The following SLCO4A1 variants were observed in gnomAD, a reference collection of about 807,000 sequenced individuals.
SLCO4A1 encodes solute carrier organic anion transporter family member 4A1.
A neutral mutation model predicts 64.6 loss-of-function variants in SLCO4A1; 51 were observed. That is an observed-to-expected ratio of 0.79 (90% CI 0.63 to 1.00). The LOEUF (loss-of-function observed/expected upper bound fraction) is 1.00, where lower values mean the gene tolerates loss of function less well. SLCO4A1 is among the 50% of genes least tolerant of loss of function. The pLI is 0.00. For synonymous variants in SLCO4A1, 471 were observed against 444.9 expected (o/e 1.06, Z -0.74); for missense variants, 919 against 980.5 (o/e 0.94, Z 0.84).
At chr20:62,665,221 C>G in intron 6 of SLCO4A1, 133 bp downstream of exon 6, 1 of 1,055,348 alleles carries the variant, frequency 9.5e-7, no homozygotes, top group East Asian at 2.5e-5. Flanking sequence ...GCTGCCAGAG[C>G]AGGTGTGGAG....
chr20:62,652,153 T>C (rs963200856), intron 1 of SLCO4A1: 3 of 151,632 alleles, frequency 2.0e-5, no homozygotes, highest in African/African-American at 7.3e-5. Flanking sequence ...TTGGCCCTGT[T>C]GAGGCTCCTT....
chr20:62,677,535 G>T lies in SLCO4A1; in HGVS notation n.212-7906G>T, dbSNP rs374293996. ...CCTTAGGGTGGCAGGAGGCAGAAAG[G>T]GGGCTTGAGACCTACACTCCAACCC... On this transcript the variant is annotated intron_variant and non_coding_transcript_variant, in intron 2 of 2. Transcript: ENST00000466818. Among the ~76,000 whole-genome samples the T allele has an allele frequency of 9.9e-5, 15 of 152,190 alleles. No individual in the cohort carries two copies. The East Asian group carries it at 1.2e-3, about 12-fold the overall frequency.
chr20:62,677,296 T>C (rs1344493996), intron 2 of SLCO4A1, among the ~76,000 whole-genome samples: 1 of 152,264 alleles, frequency 6.6e-6, no homozygotes, highest in African/African-American at 2.4e-5. Context: ...ATGTGACTTA[T>C]ATCTCAGTAA....
At chr20:62,684,366 ACCTTT>A (rs1987975266) in intron 2 of SLCO4A1, among the ~76,000 whole-genome samples, 1 of 152,158 alleles carries the variant, frequency 6.6e-6, no homozygotes, top group Non-Finnish European at 1.5e-5. Flanking sequence ...AACCATCAGC[ACCTTT>A]GCCTGACAGG....
At chr20:62,670,000 TCCAGAAG>T (rs1987000354) in intron 11 of SLCO4A1, 1 of 152,226 alleles carries the variant, frequency 6.6e-6, no homozygotes, top group African/African-American at 2.4e-5. Context: ...AATAGGAAAT[TCCAGAAG>T]CAAACAGTTC....
chr20:62,668,791 C>T, intron 10 of SLCO4A1, 139 bp from the exon 11 acceptor site: 1 of 897,912 alleles, frequency 1.1e-6, no homozygotes. Context: ...AACGTTTAAG[C>T]CCTCTTTGCA....
chr20:62,678,807 A>G (rs1987703659), intron 2 of SLCO4A1, among the ~76,000 whole-genome samples: 1 of 152,234 alleles, frequency 6.6e-6, no homozygotes, highest in South Asian at 2.1e-4. Flanking sequence ...ACCAGACCCC[A>G]GAGGTTAGTA....
intron 1 of SLCO4A1, chr20:62,652,028 TC>T (rs1982609717): frequency 9.7e-5 from 2 of 20,546 alleles, no homozygotes; most frequent in South Asian, 2.0e-3. Context: ...TGCCCCCGCC[TC>T]CCCCACCCTG....
At chr20:62,682,623 G>A (rs1055699654) in intron 2 of SLCO4A1, among the ~76,000 whole-genome samples, 1 of 146,954 alleles carries the variant, frequency 6.8e-6, no homozygotes, top group Non-Finnish European at 1.5e-5. Flanking sequence ...TCAGATAGCA[G>A]CATGTGTGTG....
Position 62,672,143 on chromosome 20 carries a change from T to A in SLCO4A1, c.*250T>A, listed in dbSNP as rs1409964539. The A allele has an allele frequency of 5.8e-6, 8 of 1,390,106 alleles. 1 individual carries two copies. The highest frequency in any genetic ancestry group is 7.5e-6 in the Non-Finnish European group (8 of 1,067,516). 86.1% of individuals were successfully genotyped at this position (1,390,106 alleles called of 1,614,324 possible). A position where few individuals can be genotyped will look rare whatever the true frequency, so the allele number is the denominator to read the frequency against. Reference sequence around the variant, plus strand: ...TCAGAACGTGTTTATAGAATGTGTTTTATACCCGATCGTGTGTGGTGTGCG... The same window carrying A: ...TCAGAACGTGTTTATAGAATGTGTTATATACCCGATCGTGTGTGGTGTGCG... On this transcript the variant is annotated 3_prime_UTR_variant, in exon 12 of 12. Transcript: ENST00000217159.
At chr20:62,653,145 G>A (rs1318613597) in intron 1 of SLCO4A1, among the ~76,000 whole-genome samples, 2 of 152,230 alleles carry the variant, frequency 1.3e-5, no homozygotes, top group Admixed American at 6.5e-5. Context: ...GCCCGCCTTC[G>A]TCCCAAGGAG....
At chr20:62,669,139 A>G (rs1373525778) in intron 11 of SLCO4A1, 61 bp downstream of exon 11, 6 of 1,527,690 alleles carry the variant, frequency 3.9e-6, no homozygotes, top group African/African-American at 1.4e-5. Context: ...GGCTCCGAAC[A>G]TGCCGCGATC....
chr20:62,685,312 C>T lies in SLCO4A1; in HGVS notation n.212-129C>T, dbSNP rs935984289. On this transcript the variant is annotated intron_variant and non_coding_transcript_variant, in intron 2 of 2. Transcript: ENST00000466818. This position sits in a 1 kb window ranked among gnomAD's most constrained non-coding sequence, Gnocchi z 4.6. ...GGCCCTGGCTGCCCTGGCTGCCCCC[C>T]GACACCTTCCCCAGCTGGTCGGTGC... is the stretch of plus-strand genomic sequence containing the variant. 6.7e-5 allele frequency: 21 copies of T among 312,728 alleles called. No individual in the cohort carries two copies. Among genetic ancestry groups the T allele is most frequent in the African/African-American group, 4.5e-4 (20 of 44,380 alleles). The allele number at this position is 312,728 out of a possible 1,614,324, so 19.4% of individuals were successfully genotyped here.
chr20:62,644,895 C>T lies in SLCO4A1; in HGVS notation c.-97+2342C>T, dbSNP rs977260073. Reference sequence around the variant, plus strand: ...GCCTGGTGCTGGGGGCAGGAGGGAGCAGGGCCCTTGGAGCTCTGGGAGAGA... The same window carrying T: ...GCCTGGTGCTGGGGGCAGGAGGGAGTAGGGCCCTTGGAGCTCTGGGAGAGA... On this transcript the variant is annotated intron_variant, in intron 1 of 11. Transcript: ENST00000217159. This position sits in a 1 kb window ranked among gnomAD's most constrained non-coding sequence, Gnocchi z 5.4. 6.6e-6 allele frequency among the ~76,000 whole-genome samples: 1 copy of T among 152,230 alleles called. No individual in the cohort carries two copies. Among genetic ancestry groups the T allele is most frequent in the Non-Finnish European group, 1.5e-5 (1 of 68,034 alleles).
chr20:62,668,369 G>T (rs914170312), intron 9 of SLCO4A1, 108 bp from the exon 10 acceptor site: 17 of 1,313,262 alleles, frequency 1.3e-5, no homozygotes, highest in East Asian at 6.9e-5. Context: ...CACTTGGGGG[G>T]GGGTGATGAT....
At chr20:62,680,391 A>G (rs756914555) in intron 2 of SLCO4A1, among the ~76,000 whole-genome samples, 43 of 152,186 alleles carry the variant, frequency 2.8e-4, no homozygotes, top group South Asian at 6.2e-4. Flanking sequence ...AACCTCCAGT[A>G]CAATGTCAAA....
intron 11 of SLCO4A1, among the ~76,000 whole-genome samples, chr20:62,669,549 CT>C (rs1569147967): frequency 1.3e-5 from 2 of 152,242 alleles, no homozygotes; most frequent in Non-Finnish European, 2.9e-5. Context: ...ATCTCTTAGT[CT>C]GGCCCTCATT....
intron 11 of SLCO4A1, among the ~76,000 whole-genome samples, chr20:62,671,033 C>T (rs568745427): frequency 5.3e-5 from 8 of 152,352 alleles, no homozygotes; most frequent in African/African-American, 9.6e-5. Context: ...TTGGGGCCCA[C>T]GTGGGATTCC....
chr20:62,654,414 G>A (rs1156604900), intron 1 of SLCO4A1, among the ~76,000 whole-genome samples: 1 of 151,442 alleles, frequency 6.6e-6, no homozygotes, highest in East Asian at 2.0e-4. Flanking sequence ...CAGCCCCAGC[G>A]CAGGCCCAGT....
Sources: allele counts gnomAD v4.1 joint callset (sites outside exome capture counted in the v4.1 genomes callset), GRCh38; gene constraint gnomAD v4.1.1; non-coding constraint Gnocchi (gnomAD v3.1); transcripts MANE v1.5; gene names NCBI Gene and HGNC (gene_info 2026-07-23, HGNC 2026-07-21).